The following LRRC4C variants were observed in gnomAD, a reference collection of about 807,000 sequenced individuals.
LRRC4C encodes leucine rich repeat containing 4C.
A neutral mutation model predicts 33.6 loss-of-function variants in LRRC4C; 5 were observed. The observed-to-expected ratio is 0.15, with a 90% confidence interval of 0.08 to 0.31. The LOEUF is 0.31. LRRC4C is among the 10% of genes least tolerant of loss of function. The pLI is 1.00. For synonymous variants in LRRC4C, 329 were observed against 302.0 expected, an observed-to-expected ratio of 1.09 and a Z score of -0.93; for missense variants, 560 against 796.7, an observed-to-expected ratio of 0.70 and a Z score of 3.58.
chr11:40,598,927 C>T (rs1321866090), intron 3 of LRRC4C, among the ~76,000 whole-genome samples: 1 of 152,174 alleles, frequency 6.6e-6, no homozygotes, highest in East Asian at 1.9e-4. Context: ...TGCTCCAGGA[C>T]TTAGAATAAA....
chr11:40,982,868 A>G (rs1020024404), intron 1 of LRRC4C, among the ~76,000 whole-genome samples: 1 of 151,826 alleles, frequency 6.6e-6, no homozygotes, highest in Admixed American at 6.6e-5. Context: ...GTTCCCCTCT[A>G]TATGTCTATG....
At chr11:41,417,975 C>A (rs191917330) in intron 1 of LRRC4C, among the ~76,000 whole-genome samples, 7 of 146,866 alleles carry the variant, frequency 4.8e-5, no homozygotes, top group Non-Finnish European at 7.6e-5. Flanking sequence ...CAAATATATA[C>A]GTGTATATAT....
intron 1 of LRRC4C, among the ~76,000 whole-genome samples, chr11:41,263,787 AACTC>A (rs1949059044): frequency 6.6e-6 from 1 of 152,136 alleles, no homozygotes; most frequent in Non-Finnish European, 1.5e-5. Context: ...TCATAGTAGA[AACTC>A]AAAACATATT....
intron 2 of LRRC4C, among the ~76,000 whole-genome samples, chr11:40,875,473 G>A (rs1209058467): frequency 6.6e-6 from 1 of 152,184 alleles, no homozygotes; most frequent in Non-Finnish European, 1.5e-5. Context: ...TAGGATAGTA[G>A]TATGACCTAT....
intron 1 of LRRC4C, among the ~76,000 whole-genome samples, chr11:41,448,043 G>T (rs1329991648): frequency 4.1e-5 from 6 of 146,918 alleles, no homozygotes; most frequent in Non-Finnish European, 3.0e-5. Flanking sequence ...TTTGTAATGG[G>T]TCTCCAACTC....
chr11:40,994,172 ATC>A (rs1020795756), intron 1 of LRRC4C, among the ~76,000 whole-genome samples: 14 of 151,998 alleles, frequency 9.2e-5, no homozygotes, highest in African/African-American at 2.9e-4. Context: ...GAATTATGAA[ATC>A]TTACCAATAT....
At chr11:40,653,720 C>T (rs185620264) in intron 2 of LRRC4C, among the ~76,000 whole-genome samples, 10 of 152,246 alleles carry the variant, frequency 6.6e-5, no homozygotes, top group African/African-American at 2.4e-4. Context: ...TCAAGCTCAC[C>T]ACAGAAATTT....
intron 5 of LRRC4C, among the ~76,000 whole-genome samples, chr11:40,144,445 C>A (rs375987404): frequency 6.6e-6 from 1 of 152,086 alleles, no homozygotes; most frequent in Non-Finnish European, 1.5e-5. Flanking sequence ...TACTTGTCCC[C>A]AGATGTATTA....
chr11:41,414,985 T>G (rs1029300515), intron 1 of LRRC4C, among the ~76,000 whole-genome samples: 1 of 152,120 alleles, frequency 6.6e-6, no homozygotes, highest in Non-Finnish European at 1.5e-5. Context: ...CAAAGCACTT[T>G]ACAAACATGA....
chr11:40,653,446 G>A (rs1942924427), intron 2 of LRRC4C, among the ~76,000 whole-genome samples: 1 of 152,168 alleles, frequency 6.6e-6, no homozygotes, highest in African/African-American at 2.4e-5. Flanking sequence ...ATAGACTGAT[G>A]GCATTTTGTC....
At chr11:40,849,922 G>A (rs1953396241) in intron 2 of LRRC4C, among the ~76,000 whole-genome samples, 1 of 150,696 alleles carries the variant, frequency 6.6e-6, no homozygotes, top group Non-Finnish European at 1.5e-5. Flanking sequence ...GATCCATTTG[G>A]CTGTTGATAT....
chr11:40,871,141 C>G (rs1392740134), intron 2 of LRRC4C, among the ~76,000 whole-genome samples: 1 of 152,238 alleles, frequency 6.6e-6, no homozygotes, highest in Non-Finnish European at 1.5e-5. Flanking sequence ...GCCTCAAACC[C>G]TGTCTCCTGA....
intron 2 of LRRC4C, among the ~76,000 whole-genome samples, chr11:40,905,940 T>C (rs1956395313): frequency 1.3e-5 from 2 of 152,182 alleles, no homozygotes; most frequent in African/African-American, 4.8e-5. Context: ...TAAAATTCTA[T>C]CAAACAGCAT....
At chr11:41,343,171 T>A (rs1299583317) in intron 1 of LRRC4C, among the ~76,000 whole-genome samples, 1 of 152,186 alleles carries the variant, frequency 6.6e-6, no homozygotes, top group African/African-American at 2.4e-5. Context: ...CATTCATAGA[T>A]CCCAGGAGTT....
At chr11:40,683,514 C>A (rs1385841570) in intron 2 of LRRC4C, among the ~76,000 whole-genome samples, 1 of 150,720 alleles carries the variant, frequency 6.6e-6, no homozygotes, top group East Asian at 1.9e-4. Flanking sequence ...TAAAAATTGT[C>A]ATTTTAAAAT....
chr11:40,143,514 G>A (rs953925370), intron 5 of LRRC4C, among the ~76,000 whole-genome samples: 40 of 152,004 alleles, frequency 2.6e-4, no homozygotes, highest in African/African-American at 8.9e-4. Flanking sequence ...TTTCTCAGGG[G>A]CCTTGCACAT....
At chr11:41,167,314 C>G (rs975174899) in intron 1 of LRRC4C, among the ~76,000 whole-genome samples, 1 of 152,156 alleles carries the variant, frequency 6.6e-6, no homozygotes, top group Non-Finnish European at 1.5e-5. Flanking sequence ...TTCCTCTGAG[C>G]AGGAGGTGGC....
intron 2 of LRRC4C, among the ~76,000 whole-genome samples, chr11:40,884,836 C>T (rs867433349): frequency 6.6e-6 from 1 of 151,936 alleles, no homozygotes; most frequent in Non-Finnish European, 1.5e-5. Flanking sequence ...TAAAATCTAT[C>T]CCATGGAACT....
At chr11:40,276,242 G>T (rs933057575) in intron 4 of LRRC4C, among the ~76,000 whole-genome samples, 4 of 152,124 alleles carry the variant, frequency 2.6e-5, no homozygotes, top group African/African-American at 7.2e-5. Flanking sequence ...CCTGATAAGT[G>T]CTAAATGCTG....
Sources: gnomAD v4.1 joint callset for allele counts (sites outside exome capture counted in the v4.1 genomes callset) on GRCh38, gnomAD v4.1.1 for gene constraint, MANE v1.5 for transcripts, NCBI Gene and HGNC (gene_info 2026-07-23, HGNC 2026-07-21) for gene names.